The following PUS10 variants were observed in gnomAD, a reference collection of about 807,000 sequenced individuals.
The protein encoded by PUS10 is pseudouridine synthase 10.
PUS10 carries 59 observed loss-of-function variants against 75.0 expected under a neutral mutation model. The observed-to-expected ratio is 0.79, with a 90% CI of 0.64 to 0.98. The LOEUF (loss-of-function observed/expected upper bound fraction) is 0.98. PUS10 is among the 50% of genes least tolerant of loss of function. The pLI is 0.00. For missense variants in PUS10, 650 were observed against 614.4 expected (o/e 1.06, Z -0.61); for synonymous variants, 219 against 211.6 (o/e 1.03, Z -0.30).
chr2:60,996,648 C>G (rs1421345671), intron 4 of PUS10, among the ~76,000 whole-genome samples: 3 of 151,938 alleles, frequency 2.0e-5, no homozygotes, highest in Non-Finnish European at 2.9e-5. Flanking sequence ...GGAGGCATAT[C>G]CAGATTCCAA....
At chr2:60,974,968 C>T (rs1027976428) in intron 4 of PUS10, among the ~76,000 whole-genome samples, 3 of 152,242 alleles carry the variant, frequency 2.0e-5, no homozygotes, top group Non-Finnish European at 1.5e-5. Context: ...GGCGAAGCAA[C>T]ACCCCAAGGA....
At chr2:60,965,780 T>C in intron 6 of PUS10, 1 of 207,022 alleles carries the variant, frequency 4.8e-6, no homozygotes, top group Non-Finnish European at 9.6e-6. Flanking sequence ...TGAATGAGAA[T>C]TTACAGAATT....
At chr2:60,950,025 T>G (rs1204112312) in intron 15 of PUS10, among the ~76,000 whole-genome samples, 1 of 152,278 alleles carries the variant, frequency 6.6e-6, no homozygotes, top group East Asian at 1.9e-4. Context: ...ACGACCCATG[T>G]GAAAGGCATA....
chr2:60,974,617 T>C (rs1676915788), intron 4 of PUS10, among the ~76,000 whole-genome samples: 1 of 152,172 alleles, frequency 6.6e-6, no homozygotes, highest in South Asian at 2.1e-4. Flanking sequence ...TGACACCCTC[T>C]TTAGGGCTCT....
At chr2:60,999,454 A>G (rs1309597138) in intron 4 of PUS10, among the ~76,000 whole-genome samples, 2 of 152,078 alleles carry the variant, frequency 1.3e-5, no homozygotes, top group East Asian at 3.9e-4. Context: ...ATTGCTACAA[A>G]AAAATAAAAA....
At position 61,009,036 on chromosome 2, in the gene PUS10, A is replaced by G. The variant is rs760032628; in HGVS notation, c.127-21T>C. Reference sequence around the variant, plus strand: ...AACTCCTGGAAAGTTAATGAAAGAAAAAGTAATGACCCACTGACAATGTCC... The same window carrying G: ...AACTCCTGGAAAGTTAATGAAAGAAGAAGTAATGACCCACTGACAATGTCC... On this transcript the variant is annotated intron_variant, in intron 2 of 17. Transcript: ENST00000316752. The G allele has an allele frequency of 5.6e-6, 9 of 1,597,870 alleles. No individual in the cohort carries two copies. In the Admixed American group the frequency reaches 1.0e-4, roughly 19 times the overall value.
Position 60,953,940 on chromosome 2 carries a change from C to T in PUS10, c.1183G>A (p.Val395Ile). The T allele has an allele frequency of 6.2e-7, 1 of 1,613,930 alleles. No homozygotes were observed. The highest frequency in any genetic ancestry group is 8.5e-7 in the Non-Finnish European group (1 of 1,179,800). ...CAATGAGCCTACTCTTACCTTGTGA[C>T]AAGCTGCAAGTCACGTACTTGGATT... is the stretch of plus-strand genomic sequence containing the variant. ...NKIQVRDLQLVTREAIGHMKE... is the reference protein window; with the variant it reads ...NKIQVRDLQLITREAIGHMKE... Residue 395 changes from valine (V) to isoleucine (I), a missense_variant, in exon 14 of 18, where the codon GTC becomes ATC. By Grantham distance (29) the Val-to-Ile change is conservative. Coordinates refer to ENST00000316752, the MANE Select transcript of PUS10 (RefSeq NM_144709.4).
chr2:60,974,147 T>C (rs1676875445), intron 4 of PUS10, among the ~76,000 whole-genome samples: 3 of 151,684 alleles, frequency 2.0e-5, no homozygotes, highest in Admixed American at 2.0e-4. Context: ...ACCCTGGCTA[T>C]GCAGAGGAGC....
intron 2 of PUS10, among the ~76,000 whole-genome samples, chr2:61,011,402 C>T (rs79175931): frequency 6.6e-6 from 1 of 152,156 alleles, no homozygotes; most frequent in African/African-American, 2.4e-5. Flanking sequence ...ACCATACCCA[C>T]AATGCTTCCA....
chr2:60,974,457 C>A (rs189723425), intron 4 of PUS10, among the ~76,000 whole-genome samples: 2 of 151,466 alleles, frequency 1.3e-5, no homozygotes, highest in East Asian at 3.9e-4. Context: ...GAACTCAGGA[C>A]CTGACAAATG....
At position 60,940,336 on chromosome 2, in the gene PUS10, G is replaced by A. The variant is rs890393413; in HGVS notation, c.*2059C>T. 2.0e-5 allele frequency: 3 copies of A among 152,224 alleles called. No individual in the cohort carries two copies. Among genetic ancestry groups the A allele is most frequent in the African/African-American group, 7.2e-5 (3 of 41,432 alleles). 9.4% of individuals were successfully genotyped at this position (152,224 alleles called of 1,614,324 possible). On this transcript the variant is annotated 3_prime_UTR_variant, in exon 18 of 18. Transcript: ENST00000316752. ...GGGACTATATAAGAGATACTAAGAA[G>A]TACAAAGGGCTCTTTCTCTTAAGTG... is the stretch of plus-strand genomic sequence containing the variant.
At chr2:60,951,085 G>A (rs1675308378) in intron 15 of PUS10, among the ~76,000 whole-genome samples, 1 of 151,996 alleles carries the variant, frequency 6.6e-6, no homozygotes, top group Admixed American at 6.5e-5. Flanking sequence ...GCAGCTAACT[G>A]GTTCATATCC....
At chr2:61,010,448 T>G (rs557448801) in intron 2 of PUS10, 2 of 200,914 alleles carry the variant, frequency 1.0e-5, no homozygotes, top group African/African-American at 4.6e-5. Flanking sequence ...TGCCTCAGCC[T>G]CCCAAGTAGC....
chr2:61,011,197 T>A (rs1274738584), intron 2 of PUS10, among the ~76,000 whole-genome samples: 1 of 152,204 alleles, frequency 6.6e-6, no homozygotes, highest in Non-Finnish European at 1.5e-5. Flanking sequence ...AGATGTTACA[T>A]ATCTTATGCA....
intron 4 of PUS10, among the ~76,000 whole-genome samples, chr2:61,005,582 C>G (rs1412824678): frequency 6.6e-6 from 1 of 152,216 alleles, no homozygotes; most frequent in Non-Finnish European, 1.5e-5. Context: ...CTGTTTCTCT[C>G]TACCAAAATT....
At chr2:61,009,099 A>T in intron 2 of PUS10, 84 bp from the exon 3 acceptor site, 1 of 1,232,116 alleles carries the variant, frequency 8.1e-7, no homozygotes. Flanking sequence ...AGAAAACATG[A>T]GTGAAAATTA....
chr2:60,995,490 T>C (rs1222636678), intron 4 of PUS10, among the ~76,000 whole-genome samples: 3 of 152,166 alleles, frequency 2.0e-5, no homozygotes, highest in Non-Finnish European at 2.9e-5. Flanking sequence ...TAAAACACAG[T>C]GGTGGTATCA....
chr2:60,996,041 T>C (rs931726034), intron 4 of PUS10, among the ~76,000 whole-genome samples: 1 of 152,242 alleles, frequency 6.6e-6, no homozygotes, highest in African/African-American at 2.4e-5. Flanking sequence ...ACTGCAATCC[T>C]GAATCCAATA....
At chr2:60,958,356 TC>T (rs1341914189) in intron 11 of PUS10, among the ~76,000 whole-genome samples, 1 of 152,160 alleles carries the variant, frequency 6.6e-6, no homozygotes, top group Non-Finnish European at 1.5e-5. Context: ...GCTGGTATAC[TC>T]TTTTTTCCAT....
Sources: gnomAD v4.1 joint callset for allele counts (sites outside exome capture counted in the v4.1 genomes callset) on GRCh38, gnomAD v4.1.1 for gene constraint, MANE v1.5 for transcripts, NCBI Gene and HGNC (gene_info 2026-07-23, HGNC 2026-07-21) for gene names.